LIPC: variants seen among roughly 807,000 people sequenced by gnomAD.
LIPC encodes the protein hepatic triacylglycerol lipase.
LIPC carries 44 observed loss-of-function variants against 50.7 expected under a neutral mutation model. That is an observed-to-expected ratio of 0.87 (90% confidence interval 0.68 to 1.11). The LOEUF (loss-of-function observed/expected upper bound fraction) is 1.11, where lower values mean the gene tolerates loss of function less well. Ranked by LOEUF, LIPC falls within the 50% of genes most tolerant of loss-of-function variation. LIPC has a pLI of 0.00. For missense variants in LIPC, 697 were observed against 648.2 expected, an observed-to-expected ratio of 1.08 and a Z score of -0.82; for synonymous variants, 271 against 256.4, an observed-to-expected ratio of 1.06 and a Z score of -0.54.
chr15:58,452,241 T>A (rs11071382), intron 1 of LIPC, among the ~76,000 whole-genome samples: 40,697 of 152,078 alleles, frequency 0.27, 5,591 homozygotes, highest in Middle Eastern at 0.42. Context: ...ACCTCCTGAA[T>A]CAGAAACTCT....
At chr15:58,512,866 G>C (rs1341722422) in intron 1 of LIPC, among the ~76,000 whole-genome samples, 2 of 151,502 alleles carry the variant, frequency 1.3e-5, no homozygotes, top group African/African-American at 4.9e-5. Context: ...GATGACCTAT[G>C]ACAACGAGGG....
intron 1 of LIPC, among the ~76,000 whole-genome samples, chr15:58,460,261 T>G (rs564983513): frequency 6.6e-6 from 1 of 152,150 alleles, no homozygotes; most frequent in African/African-American, 2.4e-5. Context: ...TTTCCTGGAG[T>G]TCTAACTCTG....
intron 1 of LIPC, among the ~76,000 whole-genome samples, chr15:58,489,266 A>G (rs1339182195): frequency 3.7e-5 from 5 of 136,020 alleles, no homozygotes; most frequent in African/African-American, 1.4e-4. Context: ...GGAGCACTCT[A>G]TTAAATAGCT....
At chr15:58,561,524 T>A (rs1894161640) in intron 7 of LIPC, among the ~76,000 whole-genome samples, 1 of 152,218 alleles carries the variant, frequency 6.6e-6, no homozygotes, top group Non-Finnish European at 1.5e-5. Flanking sequence ...TTGTAAATGT[T>A]TCTTATCAGA....
chr15:58,545,731 T>C lies in LIPC; in HGVS notation c.575-11T>C, dbSNP rs747067984. On this transcript the variant is annotated splice_polypyrimidine_tract_variant and intron_variant, in intron 4 of 8. Transcript: ENST00000299022. ...GCTCCTGCGTAACCCTTACCCCTGC[T>C]TTCCCATTAGGGCTGGATGCCGCGG... 7 of 1,613,234 alleles carry C rather than the reference T, an allele frequency of 4.3e-6. No homozygotes were observed. Among genetic ancestry groups the C allele is most frequent in the South Asian group, 1.1e-5 (1 of 91,080 alleles).
chr15:58,563,418 G>C lies in LIPC; in HGVS notation c.1170-87G>C, dbSNP rs1441121377. 4 of 1,138,798 alleles carry C rather than the reference G, an allele frequency of 3.5e-6. No homozygotes were observed. In the East Asian group the frequency reaches 9.7e-5, roughly 28 times the overall value. 70.5% of individuals were successfully genotyped at this position (1,138,798 alleles called of 1,614,324 possible). A position where few individuals can be genotyped will look rare whatever the true frequency, so the allele number is the denominator to read the frequency against. On this transcript the variant is annotated intron_variant, in intron 7 of 8. Transcript: ENST00000299022. ...CAGCAAAAATCCCAAGTCATTCAGGGAAACACAACACATCCTGAATGTGTG... is the reference window on the plus strand; with the variant it reads ...CAGCAAAAATCCCAAGTCATTCAGGCAAACACAACACATCCTGAATGTGTG...
Position 58,557,430 on chromosome 15 carries a change from G to A in LIPC, c.1052-3434G>A, listed in dbSNP as rs559882998. Among the ~76,000 whole-genome samples, 8 of 110,372 alleles carry A rather than the reference G, an allele frequency of 7.2e-5. No homozygotes were observed. The South Asian group carries it at 2.2e-3, about 30-fold the overall frequency. The allele number at this position is 110,372 out of a possible 152,430, so 72.4% of individuals were successfully genotyped here. On this transcript the variant is annotated intron_variant, in intron 6 of 8. Transcript: ENST00000299022. ...GATGTAGTCTTGCTCTGTCACCCAG[G>A]CTGGAGCGCAGTGGCGCGATCTCAG... is the stretch of plus-strand genomic sequence containing the variant.
chr15:58,523,905 A>G (rs1334336757), intron 1 of LIPC, among the ~76,000 whole-genome samples: 1 of 152,346 alleles, frequency 6.6e-6, no homozygotes, highest in African/African-American at 2.4e-5. Context: ...ACTCCAGCCC[A>G]GGCAACAGAG....
Position 58,479,058 on chromosome 15 carries a change from G to A in LIPC, c.88+46938G>A, listed in dbSNP as rs368734804. ...CCAACCTAGAAGACAGTCTTCTATC[G>A]AGGACTGCTTTTCAGTCTCCTAGCT... On this transcript the variant is annotated intron_variant, in intron 1 of 8. Transcript: ENST00000299022. 8.5e-5 allele frequency among the ~76,000 whole-genome samples: 13 copies of A among 152,232 alleles called. No individual in the cohort carries two copies. The East Asian group carries it at 2.3e-3, about 27-fold the overall frequency.
At chr15:58,465,720 C>T (rs1246004539) in intron 1 of LIPC, among the ~76,000 whole-genome samples, 1 of 152,088 alleles carries the variant, frequency 6.6e-6, no homozygotes, top group Non-Finnish European at 1.5e-5. Flanking sequence ...GGCAAGGGGA[C>T]CAGGAAGCTT....
rs140990448 is a variant in LIPC at position 58,518,263 on chromosome 15, G to A, written c.89-20070G>A. Among the ~76,000 whole-genome samples the A allele has an allele frequency of 5.9e-3, 896 of 152,314 alleles. 8 individuals carry two copies. Among genetic ancestry groups the A allele is most frequent in the African/African-American group, 0.02 (849 of 41,546 alleles). On this transcript the variant is annotated intron_variant, in intron 1 of 8. Coordinates refer to ENST00000299022, the MANE Select transcript of LIPC (RefSeq NM_000236.3). ...TCCAAATGCCCCAAGGTGGGGGAAG[G>A]TAACAGCAGAGCAAACTTACCCCTC...
At chr15:58,524,180 C>T (rs1254023676) in intron 1 of LIPC, among the ~76,000 whole-genome samples, 1 of 152,172 alleles carries the variant, frequency 6.6e-6, no homozygotes, top group Non-Finnish European at 1.5e-5. Flanking sequence ...TGCCCCCACC[C>T]TTCCACAAAA....
chr15:58,503,730 C>T (rs1417380123), intron 1 of LIPC, among the ~76,000 whole-genome samples: 1 of 152,148 alleles, frequency 6.6e-6, no homozygotes, highest in African/African-American at 2.4e-5. Flanking sequence ...CTAAGTAGGC[C>T]CTGCACCTGC....
intron 1 of LIPC, among the ~76,000 whole-genome samples, chr15:58,461,706 C>G (rs1004148496): frequency 6.6e-6 from 1 of 151,992 alleles, no homozygotes; most frequent in Non-Finnish European, 1.5e-5. Context: ...GGGTGAGCCA[C>G]TGGGCCCCGC....
intron 8 of LIPC, among the ~76,000 whole-genome samples, chr15:58,567,079 A>G (rs537956751): frequency 2.6e-5 from 4 of 151,580 alleles, no homozygotes; most frequent in Admixed American, 6.6e-5. Flanking sequence ...GCGCATGCCT[A>G]TAATCCCAGC....
intron 1 of LIPC, among the ~76,000 whole-genome samples, chr15:58,457,491 A>T (rs1359136494): frequency 2.0e-5 from 3 of 152,246 alleles, no homozygotes; most frequent in Non-Finnish European, 4.4e-5. Flanking sequence ...ACGATATGCC[A>T]CTTGGCTCCT....
rs1345877781 is a variant in LIPC at position 58,568,845 on chromosome 15, G to C, written c.*18G>C. Reference sequence around the variant, plus strand: ...TCAGATGAGATTTAATGAAGACCCAGTGTAAAGAATAAATGAATCTTACTC... The same window carrying C: ...TCAGATGAGATTTAATGAAGACCCACTGTAAAGAATAAATGAATCTTACTC... On this transcript the variant is annotated 3_prime_UTR_variant, in exon 9 of 9. Transcript: ENST00000299022. The C allele has an allele frequency of 6.9e-7, 1 of 1,439,418 alleles. No homozygotes were observed. The allele number at this position is 1,439,418 out of a possible 1,614,324, so 89.2% of individuals were successfully genotyped here.
intron 1 of LIPC, among the ~76,000 whole-genome samples, chr15:58,491,219 A>C (rs1232348976): frequency 1.3e-5 from 2 of 152,158 alleles, no homozygotes; most frequent in African/African-American, 2.4e-5. Flanking sequence ...GCCTTTCATG[A>C]AATGACAGCA....
chr15:58,480,421 A>G (rs1891146376), intron 1 of LIPC, among the ~76,000 whole-genome samples: 1 of 152,202 alleles, frequency 6.6e-6, no homozygotes, highest in African/African-American at 2.4e-5. Flanking sequence ...TGGCGTCTCA[A>G]GTAGATGGGA....
Sources: gnomAD v4.1 joint callset for allele counts (sites outside exome capture counted in the v4.1 genomes callset) on GRCh38, gnomAD v4.1.1 for gene constraint, MANE v1.5 for transcripts, NCBI Gene and HGNC (gene_info 2026-07-23, HGNC 2026-07-21) for gene names.